PTPRT: variants seen among roughly 807,000 people sequenced by gnomAD.
PTPRT encodes the protein receptor-type tyrosine-protein phosphatase T.
In PTPRT, 56 loss-of-function variants were observed where a neutral mutation model predicts 176.8. The observed-to-expected ratio is 0.32, with a 90% CI of 0.26 to 0.40. The LOEUF is 0.40. Ranked by LOEUF, PTPRT falls within the 10% of genes least tolerant of loss-of-function variation. The pLI is 1.00. For synonymous variants in PTPRT, 783 were observed against 739.0 expected (o/e 1.06, Z -0.96); for missense variants, 1,540 against 1,908.2 (o/e 0.81, Z 3.60).
rs184536596 is a variant in PTPRT at position 42,498,977 on chromosome 20, G to A, written c.1154-26415C>T. ...CAAGCTGTAACCCAACCGCCTTTGGGACATGTTCTCAGAACCTCCTGAGGC... is the reference window on the plus strand; with the variant it reads ...CAAGCTGTAACCCAACCGCCTTTGGAACATGTTCTCAGAACCTCCTGAGGC... On this transcript the variant is annotated intron_variant, in intron 7 of 30. Transcript: ENST00000373187. 1.5e-3 allele frequency among the ~76,000 whole-genome samples: 233 copies of A among 152,190 alleles called. 5 individuals carry two copies. The highest frequency in any genetic ancestry group is 0.014 in the Admixed American group (218 of 15,286).
intron 1 of PTPRT, among the ~76,000 whole-genome samples, chr20:43,091,751 C>T (rs1034619485): frequency 6.6e-6 from 1 of 152,052 alleles, no homozygotes; most frequent in South Asian, 2.1e-4. Flanking sequence ...AGAAGAGCAG[C>T]CCCAAGATGA....
At chr20:42,706,885 A>T (rs976518791) in intron 6 of PTPRT, among the ~76,000 whole-genome samples, 5 of 152,214 alleles carry the variant, frequency 3.3e-5, no homozygotes, top group African/African-American at 9.7e-5. Flanking sequence ...TCAAGATGAA[A>T]CACTATACTG....
At chr20:42,158,783 G>A (rs1277161977) in intron 17 of PTPRT, among the ~76,000 whole-genome samples, 1 of 152,224 alleles carries the variant, frequency 6.6e-6, no homozygotes, top group Non-Finnish European at 1.5e-5. Flanking sequence ...ACAGCTTGCT[G>A]ATTAATATAA....
chr20:43,023,567 C>T (rs1244132008), intron 1 of PTPRT, among the ~76,000 whole-genome samples: 1 of 152,194 alleles, frequency 6.6e-6, no homozygotes, highest in African/African-American at 2.4e-5. Context: ...CAGGTGGGAC[C>T]TGAGGCCGGC....
At chr20:42,100,051 T>C (rs1030978349) in intron 26 of PTPRT, among the ~76,000 whole-genome samples, 4 of 152,192 alleles carry the variant, frequency 2.6e-5, no homozygotes, top group African/African-American at 4.8e-5. Context: ...GAGCAAGTGA[T>C]GAATGAAAAT....
chr20:42,109,533 G>A (rs1270964232), intron 23 of PTPRT, among the ~76,000 whole-genome samples: 1 of 152,150 alleles, frequency 6.6e-6, no homozygotes, highest in Non-Finnish European at 1.5e-5. Flanking sequence ...TTCTCTCTAT[G>A]AGGGACCCTG....
chr20:42,702,194 C>G (rs987170740), intron 6 of PTPRT, among the ~76,000 whole-genome samples: 1 of 152,146 alleles, frequency 6.6e-6, no homozygotes, highest in Non-Finnish European at 1.5e-5. Context: ...GAACTTTGAA[C>G]AGAGTGTTCT....
intron 5 of PTPRT, among the ~76,000 whole-genome samples, chr20:42,757,999 C>T (rs1176943419): frequency 6.6e-6 from 1 of 152,182 alleles, no homozygotes; most frequent in African/African-American, 2.4e-5. Context: ...CTGCTCTTCT[C>T]AGAAGAAAAA....
At chr20:42,302,330 G>A (rs1258576204) in intron 12 of PTPRT, among the ~76,000 whole-genome samples, 1 of 152,044 alleles carries the variant, frequency 6.6e-6, no homozygotes, top group Admixed American at 6.6e-5. Flanking sequence ...TTTGATATCT[G>A]CCTCTCTCTG....
chr20:42,783,537 G>A (rs978261597), intron 3 of PTPRT, among the ~76,000 whole-genome samples: 2 of 152,118 alleles, frequency 1.3e-5, no homozygotes, highest in African/African-American at 4.8e-5. Context: ...TACAACCTTG[G>A]AGGGAGATGA....
At chr20:42,582,436 G>A (rs2073390728) in intron 7 of PTPRT, among the ~76,000 whole-genome samples, 1 of 152,232 alleles carries the variant, frequency 6.6e-6, no homozygotes, top group South Asian at 2.1e-4. Context: ...CCAACGAACT[G>A]GAAAAATCCA....
the PTPRT span, among the ~76,000 whole-genome samples, chr20:42,048,862 C>T: frequency 6.6e-6 from 1 of 152,132 alleles, no homozygotes; most frequent in Non-Finnish European, 1.5e-5. Flanking sequence ...GCTCTTATTG[C>T]CCAGGCTGGA....
chr20:42,797,811 A>G (rs4812650), intron 2 of PTPRT, among the ~76,000 whole-genome samples: 61,585 of 151,858 alleles, frequency 0.41, 14,359 homozygotes, highest in East Asian at 0.53. Flanking sequence ...GAGCTATCTG[A>G]GGAGGCTATG....
chr20:42,910,456 GA>G (rs1365557964), intron 1 of PTPRT, among the ~76,000 whole-genome samples: 2 of 152,102 alleles, frequency 1.3e-5, no homozygotes, highest in Admixed American at 1.3e-4. Context: ...GTAAGATAGG[GA>G]AACTCTGTTG....
intron 12 of PTPRT, among the ~76,000 whole-genome samples, chr20:42,304,468 T>C (rs1276966928): frequency 1.3e-5 from 2 of 152,132 alleles, no homozygotes; most frequent in Non-Finnish European, 2.9e-5. Context: ...TTAGAAACAT[T>C]CTTATAAAGT....
chr20:43,130,720 G>T (rs550631611), intron 1 of PTPRT, among the ~76,000 whole-genome samples: 4 of 151,684 alleles, frequency 2.6e-5, no homozygotes, highest in African/African-American at 9.7e-5. Context: ...TGAAAAAGAG[G>T]CCAAGGGCTC....
chr20:42,685,488 A>G (rs772503111), intron 6 of PTPRT: 1 of 152,204 alleles, frequency 6.6e-6, no homozygotes, highest in Non-Finnish European at 1.5e-5. Flanking sequence ...GAAGGGGCAG[A>G]ATGGCATGCC....
chr20:42,572,927 T>G (rs1356352889), intron 7 of PTPRT, among the ~76,000 whole-genome samples: 7 of 150,648 alleles, frequency 4.6e-5, no homozygotes, highest in Non-Finnish European at 8.8e-5. Context: ...TTTTTGTTTT[T>G]TTTTTTTTTT....
chr20:43,003,337 C>T (rs1002324331), intron 1 of PTPRT, among the ~76,000 whole-genome samples: 1 of 152,168 alleles, frequency 6.6e-6, no homozygotes, highest in African/African-American at 2.4e-5. Flanking sequence ...CAGATGCATG[C>T]CACCACACTT....
Sources: gnomAD v4.1 joint callset for allele counts (sites outside exome capture counted in the v4.1 genomes callset) on GRCh38, gnomAD v4.1.1 for gene constraint, MANE v1.5 for transcripts, NCBI Gene and HGNC (gene_info 2026-07-23, HGNC 2026-07-21) for gene names.